ARL6IP6: variants seen among roughly 807,000 people sequenced by gnomAD.
ARL6IP6 encodes the protein ARF like GTPase 6 interacting protein 6, also known as ADP-ribosylation factor-like protein 6-interacting protein 6.
A neutral mutation model predicts 21.5 loss-of-function variants in ARL6IP6; 22 were observed. The observed-to-expected ratio is 1.02, with a 90% confidence interval of 0.73 to 1.46. The LOEUF (loss-of-function observed/expected upper bound fraction) is 1.46. Ranked by LOEUF, ARL6IP6 falls within the 40% of genes most tolerant of loss-of-function variation. The pLI is 0.00. For missense variants in ARL6IP6, 388 were observed against 299.8 expected (o/e 1.29, Z -2.17); for synonymous variants, 164 against 125.3 (o/e 1.31, Z -2.06).
rs182072784 is a variant in ARL6IP6 at position 152,722,775 on chromosome 2, G to A, written c.454+2189G>A. On this transcript the variant is annotated intron_variant, in intron 2 of 3. Transcript: ENST00000326446. ...AAAACAAAATTAGCTGGGCATGGTG[G>A]CACAGGCCTGTAATCCCACCTACTC... Among the ~76,000 whole-genome samples, 4 of 152,270 alleles carry A rather than the reference G, an allele frequency of 2.6e-5. No individual in the cohort carries two copies. In the East Asian group the frequency reaches 7.7e-4, roughly 29 times the overall value.
intron 3 of ARL6IP6, among the ~76,000 whole-genome samples, chr2:152,754,889 C>G (rs1210185770): frequency 6.6e-6 from 1 of 152,048 alleles, no homozygotes; most frequent in Non-Finnish European, 1.5e-5. Context: ...CGGCAAGCCA[C>G]CCAGGTGCCA....
At chr2:152,752,383 G>A (rs1305616523) in intron 3 of ARL6IP6, among the ~76,000 whole-genome samples, 2 of 152,302 alleles carry the variant, frequency 1.3e-5, no homozygotes, top group African/African-American at 2.4e-5. Context: ...AATCAGCCAG[G>A]TTTGGTCATG....
intron 2 of ARL6IP6, among the ~76,000 whole-genome samples, chr2:152,734,178 C>T (rs1374832604): frequency 1.3e-5 from 2 of 152,124 alleles, no homozygotes; most frequent in Non-Finnish European, 2.9e-5. Flanking sequence ...TCTTCTCAAC[C>T]GTTTTTCCTT....
intron 2 of ARL6IP6, among the ~76,000 whole-genome samples, chr2:152,722,798 C>T (rs1427655884): frequency 6.6e-6 from 1 of 152,112 alleles, no homozygotes; most frequent in African/African-American, 2.4e-5. Flanking sequence ...ATCCCACCTA[C>T]TCGGGAGGCT....
At chr2:152,742,280 A>G (rs1189783167) in intron 3 of ARL6IP6, among the ~76,000 whole-genome samples, 1 of 152,142 alleles carries the variant, frequency 6.6e-6, no homozygotes, top group African/African-American at 2.4e-5. Flanking sequence ...TCTAAAGATA[A>G]TCGTGGGCTG....
chr2:152,738,906 T>C (rs1349706938), intron 3 of ARL6IP6, among the ~76,000 whole-genome samples: 2 of 152,220 alleles, frequency 1.3e-5, no homozygotes, highest in East Asian at 3.8e-4. Flanking sequence ...GCAAATTTTC[T>C]GAGCTTTTAT....
intron 3 of ARL6IP6, among the ~76,000 whole-genome samples, chr2:152,750,056 G>C (rs1355310729): frequency 6.6e-6 from 1 of 152,126 alleles, no homozygotes; most frequent in African/African-American, 2.4e-5. Flanking sequence ...TATATCCTCT[G>C]CATCATTGTT....
At chr2:152,731,802 A>G (rs1380163251) in intron 2 of ARL6IP6, among the ~76,000 whole-genome samples, 3 of 152,170 alleles carry the variant, frequency 2.0e-5, no homozygotes, top group African/African-American at 4.8e-5. Context: ...TAAAATATCT[A>G]AGTACAATAT....
Position 152,760,079 on chromosome 2 carries a change from A to G in ARL6IP6, c.*239A>G. On this transcript the variant is annotated 3_prime_UTR_variant, in exon 4 of 4. Transcript: ENST00000326446. ...GTATTAAGTACTTTCTTCAGAGTAT[A>G]AGATGTTTACCTCATCTTTTTACTT... 1 of 362,566 alleles carries G rather than the reference A, an allele frequency of 2.8e-6. No individual in the cohort carries two copies. The highest frequency in any genetic ancestry group is 5.0e-6 in the Non-Finnish European group (1 of 198,752). The allele number at this position is 362,566 out of a possible 1,614,324, so 22.5% of individuals were successfully genotyped here. A position where few individuals can be genotyped will look rare whatever the true frequency, so the allele number is the denominator to read the frequency against.
At chr2:152,730,820 C>T (rs536321166) in intron 2 of ARL6IP6, among the ~76,000 whole-genome samples, 5 of 152,280 alleles carry the variant, frequency 3.3e-5, no homozygotes, top group African/African-American at 1.2e-4. Flanking sequence ...TGGCTCTGTA[C>T]TTACCTACCA....
chr2:152,733,871 A>C (rs1559230588), intron 2 of ARL6IP6, among the ~76,000 whole-genome samples: 2 of 152,034 alleles, frequency 1.3e-5, no homozygotes, highest in Admixed American at 6.5e-5. Flanking sequence ...AATCTTTTTT[A>C]TTTTGCTCAT....
At chr2:152,718,466 C>G (rs1271149536), upstream of ARL6IP6, 3 of 1,057,786 alleles carry the variant, frequency 2.8e-6, no homozygotes, top group South Asian at 2.2e-5. Context: ...GGCCCTGCGG[C>G]TTCCTTTGCA....
At chr2:152,718,440 A>T (rs1164515839), upstream of ARL6IP6, 1 of 783,930 alleles carries the variant, frequency 1.3e-6, no homozygotes, top group East Asian at 3.3e-5. Context: ...GTCGAAGCGC[A>T]TTCCGCCTCT....
chr2:152,719,120 C>T, intron 1 of ARL6IP6, 96 bp downstream of exon 1: 1 of 1,355,876 alleles, frequency 7.4e-7, no homozygotes, highest in Non-Finnish European at 9.7e-7. Context: ...CGCGCTAAGC[C>T]CTCAGGCTGG....
At chr2:152,737,162 G>A (rs998554394) in intron 3 of ARL6IP6, among the ~76,000 whole-genome samples, 1 of 151,942 alleles carries the variant, frequency 6.6e-6, no homozygotes, top group African/African-American at 2.4e-5. Context: ...ACCCTATATT[G>A]TAGTCACATA....
intron 3 of ARL6IP6, among the ~76,000 whole-genome samples, chr2:152,751,660 T>G (rs1701338292): frequency 6.6e-6 from 1 of 152,242 alleles, no homozygotes; most frequent in African/African-American, 2.4e-5. Flanking sequence ...CTTATTTCAC[T>G]TAATGTCCCC....
Position 152,760,694 on chromosome 2 carries a change from A to T in ARL6IP6, c.*854A>T, listed in dbSNP as rs1024261528. On this transcript the variant is annotated 3_prime_UTR_variant, in exon 4 of 4. Transcript: ENST00000326446. ...TCTGTTTCCACAATTCCAAATATTTATCTTGGTGTATATATTGTTACTTTA... is the reference window on the plus strand; with the variant it reads ...TCTGTTTCCACAATTCCAAATATTTTTCTTGGTGTATATATTGTTACTTTA... The T allele has an allele frequency of 3.3e-5, 5 of 152,010 alleles. No individual in the cohort carries two copies. Among genetic ancestry groups the T allele is most frequent in the Non-Finnish European group, 5.9e-5 (4 of 67,952 alleles). The allele number at this position is 152,010 out of a possible 1,614,324, so 9.4% of individuals were successfully genotyped here.
chr2:152,737,840 C>T (rs575652287), intron 3 of ARL6IP6, among the ~76,000 whole-genome samples: 22 of 152,056 alleles, frequency 1.4e-4, no homozygotes, highest in African/African-American at 4.8e-4. Flanking sequence ...TGTCATTCTG[C>T]CCCTGACCTC....
intron 3 of ARL6IP6, among the ~76,000 whole-genome samples, chr2:152,750,940 A>T (rs927116659): frequency 6.6e-6 from 1 of 152,222 alleles, no homozygotes; most frequent in East Asian, 1.9e-4. Flanking sequence ...ATCTCCACAA[A>T]TAGTCATGCC....
Sources: gnomAD v4.1 joint callset for allele counts (sites outside exome capture counted in the v4.1 genomes callset) on GRCh38, gnomAD v4.1.1 for gene constraint, MANE v1.5 for transcripts, NCBI Gene and HGNC (gene_info 2026-07-23, HGNC 2026-07-21) for gene names.